PTPRT: variants seen among roughly 807,000 people sequenced by gnomAD.
PTPRT encodes receptor-type tyrosine-protein phosphatase T.
In PTPRT, 56 loss-of-function variants were observed where a neutral mutation model predicts 176.8. The ratio of observed to expected loss-of-function variants is 0.32; its 90% CI spans 0.26 to 0.40. The LOEUF is 0.40. PTPRT is among the 10% of genes least tolerant of loss of function. The pLI is 1.00. For synonymous variants in PTPRT, 783 were observed against 739.0 expected, an observed-to-expected ratio of 1.06 and a Z score of -0.96; for missense variants, 1,540 against 1,908.2, an observed-to-expected ratio of 0.81 and a Z score of 3.60.
chr20:42,409,039 A>G (rs1451965350), intron 9 of PTPRT, among the ~76,000 whole-genome samples: 2 of 152,354 alleles, frequency 1.3e-5, no homozygotes, highest in East Asian at 3.9e-4. Context: ...TATCACACTG[A>G]TGATGAAATT....
intron 27 of PTPRT, among the ~76,000 whole-genome samples, chr20:42,093,927 G>C (rs1984917030): frequency 6.6e-6 from 1 of 152,228 alleles, no homozygotes; most frequent in Non-Finnish European, 1.5e-5. Flanking sequence ...GCCGGTTTCA[G>C]GGAATGCTTG....
intron 1 of PTPRT, among the ~76,000 whole-genome samples, chr20:43,007,921 C>T (rs1031314997): frequency 2.0e-5 from 3 of 152,150 alleles, no homozygotes; most frequent in Non-Finnish European, 2.9e-5. Context: ...AGCAATAGAA[C>T]CCTCTATGAG....
intron 12 of PTPRT, among the ~76,000 whole-genome samples, chr20:42,283,362 G>C (rs775070164): frequency 8.5e-5 from 13 of 152,138 alleles, no homozygotes; most frequent in Non-Finnish European, 1.8e-4. Context: ...GCAAGTATGT[G>C]AGTTGCTGAA....
In PTPRT at chr20:42,539,099, A is replaced by C. The variant is rs114419051; in HGVS notation, c.1154-66537T>G. Among the ~76,000 whole-genome samples, 489 of 152,254 alleles carry C rather than the reference A, an allele frequency of 3.2e-3. 2 individuals carry two copies. The highest frequency in any genetic ancestry group is 0.011 in the African/African-American group (474 of 41,564). The stretch of plus-strand genomic sequence containing the variant: ...CAATGGGACCTCAGAGTCAGGGATC[A>C]TGTTGTTCTTAATACTGGATCTTCA... On this transcript the variant is annotated intron_variant, in intron 7 of 30. Transcript: ENST00000373187.
chr20:43,020,625 ATCTGATCAG>A (rs1394260515), intron 1 of PTPRT, among the ~76,000 whole-genome samples: 1 of 152,062 alleles, frequency 6.6e-6, no homozygotes, highest in Non-Finnish European at 1.5e-5. Context: ...CCACCACCCT[ATCTGATCAG>A]TGAGAGCGGC....
At chr20:42,930,668 C>T (rs1272132647) in intron 1 of PTPRT, among the ~76,000 whole-genome samples, 3 of 151,776 alleles carry the variant, frequency 2.0e-5, no homozygotes, top group African/African-American at 7.3e-5. Context: ...TTTGCAAAGA[C>T]AGGGTCTTAC....
chr20:42,101,827 G>C (rs1452635128), intron 26 of PTPRT, among the ~76,000 whole-genome samples: 2 of 152,206 alleles, frequency 1.3e-5, no homozygotes, highest in African/African-American at 4.8e-5. Flanking sequence ...GGCTCTGTGG[G>C]GAATGGAAGA....
chr20:42,348,386 A>ATTTATTTATTTC (rs2058227237), intron 11 of PTPRT, among the ~76,000 whole-genome samples: 1 of 151,170 alleles, frequency 6.6e-6, no homozygotes, highest in African/African-American at 2.4e-5. Context: ...TTATTTATTT[A>ATTTATTTATTTC]TTTATTTATT....
chr20:42,984,290 G>A (rs898970596), intron 1 of PTPRT, among the ~76,000 whole-genome samples: 12 of 152,282 alleles, frequency 7.9e-5, no homozygotes, highest in Admixed American at 2.6e-4. Flanking sequence ...CACAAGCCAC[G>A]AGAAGACTGG....
chr20:42,128,679 G>A (rs1987974903), intron 19 of PTPRT, 75 bp downstream of exon 19: 6 of 1,324,204 alleles, frequency 4.5e-6, no homozygotes, highest in Non-Finnish European at 6.1e-6. Flanking sequence ...CCTTCTGGAG[G>A]AGAGTTTGGG....
At chr20:42,238,272 A>C (rs2056284334) in intron 14 of PTPRT, among the ~76,000 whole-genome samples, 1 of 152,218 alleles carries the variant, frequency 6.6e-6, no homozygotes, top group Non-Finnish European at 1.5e-5. Flanking sequence ...AAAGTTAAGA[A>C]GCCACAGAAG....
At chr20:42,225,572 A>T (rs1260017673) in intron 15 of PTPRT, among the ~76,000 whole-genome samples, 1 of 152,074 alleles carries the variant, frequency 6.6e-6, no homozygotes, top group African/African-American at 2.4e-5. Context: ...TATCAAATTA[A>T]GTTATGAAAA....
Position 42,092,285 on chromosome 20 carries a change from A to G in PTPRT, c.3846+6136T>C, listed in dbSNP as rs567775918. Among the ~76,000 whole-genome samples the G allele has an allele frequency of 5.3e-5, 8 of 152,362 alleles. No homozygotes were observed. In the East Asian group the frequency reaches 1.5e-3, roughly 29 times the overall value. On this transcript the variant is annotated intron_variant, in intron 27 of 30. Coordinates refer to ENST00000373187, the MANE Select transcript of PTPRT (RefSeq NM_007050.6). ...CTCATATCTCTCCGACTAAAGCCTC[A>G]GCTGAAACTTGGAAGTAAACATGAG...
At chr20:43,023,607 T>C (rs189072719) in intron 1 of PTPRT, among the ~76,000 whole-genome samples, 44 of 152,292 alleles carry the variant, frequency 2.9e-4, no homozygotes, top group African/African-American at 8.2e-4. Context: ...CACACTAATG[T>C]TCCTTAAATA....
intron 8 of PTPRT, among the ~76,000 whole-genome samples, chr20:42,461,458 G>A (rs908772507): frequency 3.3e-5 from 5 of 152,154 alleles, no homozygotes; most frequent in Admixed American, 6.5e-5. Flanking sequence ...GGCCGTTTGA[G>A]CCCAGGAGTC....
Position 42,403,557 on chromosome 20 carries a change from A to G in PTPRT, c.1560+44663T>C, listed in dbSNP as rs113156175. 3.8e-3 allele frequency among the ~76,000 whole-genome samples: 574 copies of G among 152,288 alleles called. 4 individuals are homozygous for G. Among genetic ancestry groups the G allele is most frequent in the African/African-American group, 0.013 (535 of 41,584 alleles). ...AATCTGACCTCATGGTTACATTTCA[A>G]TATTGGATAAATGAATCCCTTTCTG... is the stretch of plus-strand genomic sequence containing the variant. On this transcript the variant is annotated intron_variant, in intron 9 of 30. Coordinates refer to ENST00000373187, the MANE Select transcript of PTPRT (RefSeq NM_007050.6).
intron 7 of PTPRT, among the ~76,000 whole-genome samples, chr20:42,556,944 C>G (rs1434280855): frequency 6.6e-6 from 1 of 152,100 alleles, no homozygotes; most frequent in African/African-American, 2.4e-5. Flanking sequence ...CCACCACCAG[C>G]CAAATGTCTA....
At position 42,145,356 on chromosome 20, in the gene PTPRT, T is replaced by C. The variant is rs1469824653; in HGVS notation, c.2683-3354A>G. Among the ~76,000 whole-genome samples the C allele has an allele frequency of 2.0e-5, 3 of 152,088 alleles. No homozygotes were observed. In the East Asian group the frequency reaches 5.8e-4, roughly 29 times the overall value. ...CTGTACTAAAGATACAAAAATTAGC[T>C]GGGCGTGGTGACACATGCCTGTACT... On this transcript the variant is annotated intron_variant, in intron 17 of 30. Transcript: ENST00000373187.
chr20:42,460,483 GGAAAGAGTCCCAA>G (rs1263178387), intron 8 of PTPRT, among the ~76,000 whole-genome samples: 1 of 152,106 alleles, frequency 6.6e-6, no homozygotes, highest in Non-Finnish European at 1.5e-5. Flanking sequence ...GATACGAATG[GGAAAGAGTCCCAA>G]GAACTGGGCC....
Sources: gnomAD v4.1 joint callset for allele counts (sites outside exome capture counted in the v4.1 genomes callset) on GRCh38, gnomAD v4.1.1 for gene constraint, MANE v1.5 for transcripts, NCBI Gene and HGNC (gene_info 2026-07-23, HGNC 2026-07-21) for gene names.